The following ZFHX3 variants were observed in gnomAD, a reference collection of about 807,000 sequenced individuals.
ZFHX3 encodes the protein zinc finger homeobox 3, also known as zinc finger homeobox protein 3.
In ZFHX3, 42 loss-of-function variants were observed where a neutral mutation model predicts 279.1. The observed-to-expected ratio is 0.15, with a 90% confidence interval of 0.12 to 0.19. ZFHX3 has a LOEUF of 0.19. Among genes scored for constraint, ZFHX3 ranks in the 10% least tolerant of loss-of-function variants. The pLI, the probability that ZFHX3 is intolerant of heterozygous loss-of-function variation, is 1.00. For synonymous variants in ZFHX3, 2,293 were observed against 1,957.8 expected, an observed-to-expected ratio of 1.17 and a Z score of -4.52; for missense variants, 4,981 against 4,754.0, an observed-to-expected ratio of 1.05 and a Z score of -1.40.
chr16:73,741,508 G>C (rs1193734160), intron 1 of ZFHX3, among the ~76,000 whole-genome samples: 2 of 152,148 alleles, frequency 1.3e-5, no homozygotes, highest in East Asian at 1.9e-4. Context: ...GGAAGAGGTG[G>C]AAGAAATTGT....
At chr16:72,812,190 A>G in intron 5 of ZFHX3, 152 bp from the exon 6 acceptor site, 2 of 1,164,620 alleles carry the variant, frequency 1.7e-6, no homozygotes, top group Non-Finnish European at 2.4e-6. Context: ...CTGATTTATC[A>G]AGCATGTTGG....
intron 5 of ZFHX3, among the ~76,000 whole-genome samples, chr16:73,187,144 T>TCACACAAACACACA (rs139171590): frequency 7.5e-5 from 11 of 147,078 alleles, no homozygotes; most frequent in African/African-American, 2.6e-4. Flanking sequence ...GTTGTATGTC[T>TCACACAAACACACA]CACACACACA....
At chr16:73,845,272 G>A (rs147653180) in intron 1 of ZFHX3, among the ~76,000 whole-genome samples, 87 of 152,242 alleles carry the variant, frequency 5.7e-4, no homozygotes, top group African/African-American at 1.9e-3. Flanking sequence ...AGAGCCAGAC[G>A]TTTTTTCTCT....
chr16:73,595,794 C>T (rs568682361), intron 2 of ZFHX3, among the ~76,000 whole-genome samples: 4 of 152,044 alleles, frequency 2.6e-5, no homozygotes, highest in African/African-American at 7.2e-5. Flanking sequence ...TCTAACTCAC[C>T]GAACTAGGCA....
At chr16:73,597,790 A>G (rs565623293) in intron 2 of ZFHX3, among the ~76,000 whole-genome samples, 1 of 152,214 alleles carries the variant, frequency 6.6e-6, no homozygotes. Flanking sequence ...ACTGTGAGAA[A>G]ATGAATTTCT....
intron 5 of ZFHX3, among the ~76,000 whole-genome samples, chr16:73,220,327 T>C (rs1395322633): frequency 6.6e-6 from 1 of 151,974 alleles, no homozygotes; most frequent in Non-Finnish European, 1.5e-5. Flanking sequence ...AATATGCACA[T>C]GAACCCCTGA....
At chr16:73,170,222 A>ATTTTTTTTTTTT (rs1323820575) in intron 5 of ZFHX3, among the ~76,000 whole-genome samples, 18 of 36,836 alleles carry the variant, frequency 4.9e-4, no homozygotes, top group Admixed American at 1.1e-3. Flanking sequence ...TCCTTTCACT[A>ATTTTTTTTTTTT]GTTTTTTTTT....
intron 1 of ZFHX3, among the ~76,000 whole-genome samples, chr16:73,739,198 G>C (rs1197417992): frequency 6.6e-6 from 1 of 152,192 alleles, no homozygotes; most frequent in Non-Finnish European, 1.5e-5. Flanking sequence ...CTGCTTTCCT[G>C]ACTAGGCTCT....
intron 8 of ZFHX3, among the ~76,000 whole-genome samples, chr16:72,799,492 T>C (rs569498002): frequency 1.3e-5 from 2 of 152,298 alleles, no homozygotes; most frequent in East Asian, 1.9e-4. Flanking sequence ...AGGTGAACGA[T>C]GTAGGACAGC....
At position 72,959,613 on chromosome 16, in the gene ZFHX3, C is replaced by G. The variant is rs1204117554; in HGVS notation, c.533G>C (p.Gly178Ala). The change falls in exon 2 of 10, where the codon GGG becomes GCG. Residue 178 changes from glycine (G) to alanine (A), a missense_variant. Coordinates refer to ENST00000268489, the MANE Select transcript of ZFHX3 (RefSeq NM_006885.4). Reference protein sequence around the residue: ...SLFLNSLPGAGGKQGDPSCAA... With the variant: ...SLFLNSLPGAAGKQGDPSCAA... ...ACACGAAGGGTCCCCTTGCTTGCCCCCCGCGCCAGGGAGAGAGTTCAGGAA... is the reference window on the plus strand; with the variant it reads ...ACACGAAGGGTCCCCTTGCTTGCCCGCCGCGCCAGGGAGAGAGTTCAGGAA... The G allele has an allele frequency of 1.9e-6, 3 of 1,614,030 alleles. No homozygotes were observed. The highest frequency in any genetic ancestry group is 1.3e-5 in the African/African-American group (1 of 74,948).
At position 73,473,778 on chromosome 16, in the gene ZFHX3, A is replaced by T. The variant is rs150483919; in HGVS notation, c.-1546-17520T>A. 2.0e-3 allele frequency among the ~76,000 whole-genome samples: 303 copies of T among 152,346 alleles called. 4 individuals are homozygous for T. The highest frequency in any genetic ancestry group is 7.1e-3 in the African/African-American group (295 of 41,586). ...AACTGGTTTTCCCATCTGTTTCTTT[A>T]ACAAATGGGAGCTTAAGCCCATAGG... On this transcript the variant is annotated intron_variant, in intron 2 of 17. Transcript: ENST00000641206.
intron 5 of ZFHX3, among the ~76,000 whole-genome samples, chr16:73,175,901 G>T (rs933405515): frequency 6.6e-6 from 1 of 152,084 alleles, no homozygotes; most frequent in Non-Finnish European, 1.5e-5. Flanking sequence ...TTTTTTACTT[G>T]GGGGGCAGGG....
At chr16:73,604,742 GA>G (rs35492989) in intron 2 of ZFHX3, among the ~76,000 whole-genome samples, 77,843 of 138,482 alleles carry the variant, frequency 0.56, 22,696 homozygotes, top group East Asian at 0.81. Context: ...GAGACTCCGT[GA>G]AAAAAAAAAA....
intron 1 of ZFHX3, among the ~76,000 whole-genome samples, chr16:73,782,528 C>A (rs1959507370): frequency 6.6e-6 from 1 of 152,190 alleles, no homozygotes. Flanking sequence ...CATCTGCCAT[C>A]CTTCCCCTTA....
intron 4 of ZFHX3, among the ~76,000 whole-genome samples, chr16:72,853,590 T>G (rs140093369): frequency 6.6e-6 from 1 of 152,362 alleles, no homozygotes; most frequent in Non-Finnish European, 1.5e-5. Context: ...AAGCAGAGTT[T>G]ACTTTTATTT....
In ZFHX3 at chr16:73,550,171, G is replaced by A. The variant is rs558842411; in HGVS notation, c.-1546-93913C>T. 1.1e-4 allele frequency among the ~76,000 whole-genome samples: 17 copies of A among 152,200 alleles called. No homozygotes were observed. In the South Asian group the frequency reaches 2.7e-3, roughly 24 times the overall value. On this transcript the variant is annotated intron_variant, in intron 2 of 17. Transcript: ENST00000641206. ...CCCAGGAGTACTTCGGGGCTGGGCC[G>A]TGTCAGGGCAAAGCTGTATTGAGTC...
intron 2 of ZFHX3, among the ~76,000 whole-genome samples, chr16:73,600,513 G>A (rs2052101309): frequency 6.6e-6 from 1 of 150,900 alleles, no homozygotes; most frequent in South Asian, 2.1e-4. Flanking sequence ...CACCTCCCGA[G>A]TTCAAGCCAT....
intron 2 of ZFHX3, among the ~76,000 whole-genome samples, chr16:73,671,272 T>A (rs953234288): frequency 3.3e-5 from 5 of 152,156 alleles, no homozygotes; most frequent in African/African-American, 1.2e-4. Flanking sequence ...TTTGCATCCT[T>A]GGATGGGTGC....
intron 2 of ZFHX3, among the ~76,000 whole-genome samples, chr16:73,573,530 C>A (rs1238973240): frequency 6.6e-6 from 1 of 152,208 alleles, no homozygotes; most frequent in African/African-American, 2.4e-5. Context: ...GATCAGTGAT[C>A]TTAGCTGTAG....
Sources: gnomAD v4.1 joint callset for allele counts (sites outside exome capture counted in the v4.1 genomes callset) on GRCh38, gnomAD v4.1.1 for gene constraint, MANE v1.5 for transcripts, NCBI Gene and HGNC (gene_info 2026-07-23, HGNC 2026-07-21) for gene names.